Variants in DDX60 observed in about 807,000 individuals in gnomAD.
The protein encoded by DDX60 is DExD/H-box helicase 60.
DDX60 carries 165 observed loss-of-function variants against 212.8 expected under a neutral mutation model. The observed-to-expected ratio is 0.78, with a 90% CI of 0.68 to 0.88. The LOEUF (loss-of-function observed/expected upper bound fraction) is 0.88, where lower values mean the gene tolerates loss of function less well. Ranked by LOEUF, DDX60 falls within the 40% of genes least tolerant of loss-of-function variation. The pLI, the probability that DDX60 is intolerant of heterozygous loss-of-function variation, is 0.00. For synonymous variants in DDX60, 703 were observed against 685.3 expected, an observed-to-expected ratio of 1.03 and a Z score of -0.40; for missense variants, 1,905 against 2,003.9, an observed-to-expected ratio of 0.95 and a Z score of 0.94.
At position 168,250,969 on chromosome 4, in the gene DDX60, T is replaced by C. The variant is rs777263097; in HGVS notation, c.3843A>G (p.Arg1281=). The C allele has an allele frequency of 3.6e-5, 57 of 1,599,984 alleles. No individual in the cohort carries two copies. The highest frequency in any genetic ancestry group is 4.3e-5 in the Non-Finnish European group (50 of 1,173,890). Residue 1281 remains arginine, a synonymous_variant, in exon 28 of 38, where the codon AGA becomes AGG. Transcript: ENST00000393743. ...KEKQLVEILF[R]KGYLRVVTAT... is the part of the protein sequence containing the mutation. The stretch of plus-strand genomic sequence containing the variant: ...ATTCACCTACCCTAAGATATCCTTT[T>C]CTAAAGAGGATTTCAACTAATTGTT...
chr4:168,280,603 A>G lies in DDX60; in HGVS notation c.1723-13T>C, dbSNP rs780134424. On this transcript the variant is annotated splice_polypyrimidine_tract_variant and intron_variant, in intron 13 of 37. Transcript: ENST00000393743. ...CAGCCTTGGTCTCCTGCCCCAAAGGAAAAAACATCTCTTAAGACAAGTTGA... is the reference window on the plus strand; with the variant it reads ...CAGCCTTGGTCTCCTGCCCCAAAGGGAAAAACATCTCTTAAGACAAGTTGA... 5 of 1,595,358 alleles carry G rather than the reference A, an allele frequency of 3.1e-6. No homozygotes were observed. The South Asian group carries it at 5.7e-5, about 18-fold the overall frequency.
chr4:168,246,687 G>T, intron 29 of DDX60, 69 bp from the exon 30 acceptor site: 2 of 1,512,840 alleles, frequency 1.3e-6, no homozygotes, highest in Non-Finnish European at 1.8e-6. Flanking sequence ...GTAAGAATGA[G>T]CCCTTTACTC....
At chr4:168,281,112 C>T (rs1219076581) in intron 13 of DDX60, among the ~76,000 whole-genome samples, 2 of 152,140 alleles carry the variant, frequency 1.3e-5, no homozygotes, top group Non-Finnish European at 2.9e-5. Flanking sequence ...TGCACTCCAG[C>T]CTGGGCGATG....
the DDX60 span, among the ~76,000 whole-genome samples, chr4:168,325,169 C>T: frequency 2.0e-5 from 3 of 152,274 alleles, no homozygotes; most frequent in Admixed American, 6.5e-5. Context: ...TTTAAGAACA[C>T]GGCAAATAGG....
intron 25 of DDX60, 74 bp downstream of exon 25, chr4:168,260,791 G>T (rs966157537): frequency 2.3e-6 from 3 of 1,329,636 alleles, no homozygotes; most frequent in Admixed American, 3.9e-5. Context: ...TGGCCTGGAG[G>T]TTGGGGACCT....
At chr4:168,223,131 G>A (rs2149490648) in intron 35 of DDX60, among the ~76,000 whole-genome samples, 2 of 152,134 alleles carry the variant, frequency 1.3e-5, no homozygotes, top group Middle Eastern at 3.4e-3. Flanking sequence ...AGTTTAGAAA[G>A]GTTGATGGCC....
intron 26 of DDX60, among the ~76,000 whole-genome samples, chr4:168,255,363 AT>A (rs1734362326): frequency 6.6e-6 from 1 of 152,188 alleles, no homozygotes. Flanking sequence ...TGTAGTCTAT[AT>A]TTAAACCTTC....
intron 15 of DDX60, 33 bp from the exon 16 acceptor site, chr4:168,275,536 A>G (rs1383719067): frequency 6.5e-7 from 1 of 1,540,788 alleles, no homozygotes. Context: ...TTTGAAAATG[A>G]CATTGAATTA....
At chr4:168,287,663 CAGTT>C (rs1369662235) in intron 9 of DDX60, among the ~76,000 whole-genome samples, 2 of 152,118 alleles carry the variant, frequency 1.3e-5, no homozygotes, top group African/African-American at 4.8e-5. Flanking sequence ...AATGTTCAAT[CAGTT>C]AGAGTTCTGT....
chr4:168,280,650 C>G, intron 13 of DDX60, 60 bp from the exon 14 acceptor site: 1 of 1,521,736 alleles, frequency 6.6e-7, no homozygotes, highest in Non-Finnish European at 8.8e-7. Flanking sequence ...GATAACAGGT[C>G]ATGAGTGAGA....
chr4:168,255,572 C>A (rs1734370910), intron 26 of DDX60, 139 bp downstream of exon 26: 2 of 668,046 alleles, frequency 3.0e-6, no homozygotes, highest in Non-Finnish European at 4.7e-6. Context: ...CATTCTCTCA[C>A]CCAAATGTAC....
chr4:168,218,591 C>T (rs920930683), intron 37 of DDX60, among the ~76,000 whole-genome samples: 6 of 152,210 alleles, frequency 3.9e-5, no homozygotes, highest in East Asian at 1.9e-4. Flanking sequence ...ACTGTCTACA[C>T]GTTGCTCAAA....
intron 30 of DDX60, among the ~76,000 whole-genome samples, chr4:168,240,351 G>A (rs1733795889): frequency 6.6e-6 from 1 of 152,164 alleles, no homozygotes; most frequent in Admixed American, 6.5e-5. Flanking sequence ...AACATTTCAT[G>A]CTCATGGACA....
At position 168,274,097 on chromosome 4, in the gene DDX60, A is replaced by G; in HGVS notation, c.2305-14T>C. The G allele has an allele frequency of 6.2e-7, 1 of 1,613,646 alleles. No individual in the cohort carries two copies. On this transcript the variant is annotated splice_polypyrimidine_tract_variant and intron_variant, in intron 16 of 37. Transcript: ENST00000393743. ...AAGGAGCTCTCGCTGCAGGGTGCAGAGTACCATTCATGTCAAGAAACTGAA... is the reference window on the plus strand; with the variant it reads ...AAGGAGCTCTCGCTGCAGGGTGCAGGGTACCATTCATGTCAAGAAACTGAA...
At chr4:168,316,299 TG>T (rs1737375529) in intron 1 of DDX60, among the ~76,000 whole-genome samples, 1 of 152,252 alleles carries the variant, frequency 6.6e-6, no homozygotes. Context: ...ATTTTGTCAC[TG>T]CTGTTTACTT....
chr4:168,297,314 GAAAGAAAGAA>G (rs1736406339), intron 6 of DDX60, among the ~76,000 whole-genome samples: 1 of 33,018 alleles, frequency 3.0e-5, no homozygotes, highest in African/African-American at 3.3e-4. Flanking sequence ...AAGAAAGAAA[GAAAGAAAGAA>G]AGAAAGAAAG....
chr4:168,323,728 GT>G (rs927112765), upstream of DDX60, among the ~76,000 whole-genome samples: 3 of 152,136 alleles, frequency 2.0e-5, no homozygotes, highest in Non-Finnish European at 4.4e-5. Context: ...GATTTCCAGA[GT>G]TTTTTACCCC....
At chr4:168,299,109 C>T (rs1214815167) in intron 6 of DDX60, among the ~76,000 whole-genome samples, 1 of 134,196 alleles carries the variant, frequency 7.5e-6, no homozygotes, top group African/African-American at 2.9e-5. Context: ...TGCAGTGAAC[C>T]GAGATTGTGC....
At chr4:168,296,723 G>GA (rs921692600) in intron 6 of DDX60, among the ~76,000 whole-genome samples, 1 of 151,448 alleles carries the variant, frequency 6.6e-6, no homozygotes, top group Non-Finnish European at 1.5e-5. Flanking sequence ...ATAATAGCAG[G>GA]AAAAAAAATT....
Sources: allele counts gnomAD v4.1 joint callset (sites outside exome capture counted in the v4.1 genomes callset), GRCh38; gene constraint gnomAD v4.1.1; transcripts MANE v1.5; gene names NCBI Gene and HGNC (gene_info 2026-07-23, HGNC 2026-07-21).